SVIL: variants seen among roughly 807,000 people sequenced by gnomAD.
SVIL encodes archvillin.
Under a neutral mutation model 240.4 loss-of-function variants are expected in SVIL, and 101 were observed. That is an observed-to-expected ratio of 0.42 (90% CI 0.36 to 0.50). SVIL has a LOEUF of 0.50. SVIL is among the 20% of genes least tolerant of loss of function. The pLI, the probability that SVIL is intolerant of heterozygous loss-of-function variation, is 0.01. For synonymous variants in SVIL, 999 were observed against 1,100.0 expected (o/e 0.91, Z 1.82); for missense variants, 2,512 against 2,818.7 (o/e 0.89, Z 2.46).
chr10:29,591,887 T>A (rs1956404101), intron 1 of SVIL, among the ~76,000 whole-genome samples: 1 of 152,240 alleles, frequency 6.6e-6, no homozygotes, highest in African/African-American at 2.4e-5. Context: ...GCAAAGAGCC[T>A]GCCAGGCATT....
chr10:29,594,935 C>T (rs1197818517), intron 1 of SVIL, among the ~76,000 whole-genome samples: 1 of 152,224 alleles, frequency 6.6e-6, no homozygotes, highest in Non-Finnish European at 1.5e-5. Flanking sequence ...GTTCCCCAGC[C>T]CCTGCTGTGT....
chr10:29,733,017 G>A (rs1292118530), intron 1 of SVIL, among the ~76,000 whole-genome samples: 3 of 152,254 alleles, frequency 2.0e-5, no homozygotes, highest in Non-Finnish European at 4.4e-5. Flanking sequence ...CTCCTTGGGC[G>A]ACTGGACCAA....
intron 2 of SVIL, among the ~76,000 whole-genome samples, chr10:29,567,685 T>C (rs1429065204): frequency 6.6e-6 from 1 of 152,094 alleles, no homozygotes; most frequent in Non-Finnish European, 1.5e-5. Context: ...ACTTATTAGC[T>C]CCATGACAGT....
chr10:29,613,094 T>C (rs1300889416), intron 1 of SVIL, among the ~76,000 whole-genome samples: 1 of 150,280 alleles, frequency 6.7e-6, no homozygotes, highest in Admixed American at 6.7e-5. Flanking sequence ...GGGAATTGCT[T>C]GAACCCAGGA....
chr10:29,532,140 G>A lies in SVIL; in HGVS notation c.1871C>T (p.Pro624Leu), dbSNP rs1360774157. The A allele has an allele frequency of 6.2e-7, 1 of 1,613,874 alleles. No individual in the cohort carries two copies. Among genetic ancestry groups the A allele is most frequent in the Non-Finnish European group, 8.5e-7 (1 of 1,179,884 alleles). Residue 624 changes from proline (P) to leucine (L), a missense_variant, in exon 9 of 38, where the codon CCT (proline) becomes CTT (leucine). This residue lies in a region of SVIL where 1,443 missense variants were observed against 1,486.6 expected (regional missense o/e 0.97). Coordinates refer to ENST00000355867, the MANE Select transcript of SVIL (RefSeq NM_021738.3). ...KSRVERSAEG[P>L]GLPTGVERER... ...CCGTTCCACACCGGTGGGCAAGCCAGGTCCTTCAGCCGACCTCTCCACCCG... is the reference window on the plus strand; with the variant it reads ...CCGTTCCACACCGGTGGGCAAGCCAAGTCCTTCAGCCGACCTCTCCACCCG...
At chr10:29,613,230 C>T (rs1957313978) in intron 1 of SVIL, among the ~76,000 whole-genome samples, 2 of 150,756 alleles carry the variant, frequency 1.3e-5, no homozygotes, top group African/African-American at 4.9e-5. Flanking sequence ...GAGTGATGCT[C>T]TGGTGCAGTG....
intron 1 of SVIL, among the ~76,000 whole-genome samples, chr10:29,701,156 C>A (rs964882952): frequency 6.6e-6 from 1 of 152,186 alleles, no homozygotes; most frequent in African/African-American, 2.4e-5. Context: ...CCACCCACCC[C>A]TCACTGCAAA....
rs1350513965 is a variant in SVIL, at chr10:29,470,475, G to A, written c.5644C>T (p.Arg1882Trp). The A allele has an allele frequency of 3.7e-6, 6 of 1,614,060 alleles. No homozygotes were observed. The highest frequency in any genetic ancestry group is 3.3e-5 in the South Asian group (3 of 91,084). ...EEEENVQSEWRLYCVRGEVPV... is the reference protein window; with the variant it reads ...EEEENVQSEWWLYCVRGEVPV... ...ACCTCTCCACGCACGCAGTACAGCCGCCACTCACCTGCAGGGGGCACCGGC... is the reference window on the plus strand; with the variant it reads ...ACCTCTCCACGCACGCAGTACAGCCACCACTCACCTGCAGGGGGCACCGGC... The change falls in exon 32 of 38, where the codon CGG (arginine) becomes TGG (tryptophan). Residue 1882 changes from arginine to tryptophan, a missense_variant. Around this residue, in one of 3 missense-constraint regions of SVIL, gnomAD observed 797 missense variants for 925.3 expected, o/e 0.86. Transcript: ENST00000355867.
At chr10:29,576,683 T>A (rs1304377672) in intron 1 of SVIL, among the ~76,000 whole-genome samples, 1 of 152,194 alleles carries the variant, frequency 6.6e-6, no homozygotes, top group African/African-American at 2.4e-5. Context: ...TCTCCAGAAC[T>A]ACAGGCATGT....
intron 36 of SVIL, among the ~76,000 whole-genome samples, chr10:29,460,302 G>A (rs1018502730): frequency 2.6e-5 from 4 of 152,178 alleles, no homozygotes; most frequent in African/African-American, 7.2e-5. Context: ...GCCTAGTGCA[G>A]AGTGGGCACT....
At chr10:29,602,298 T>C (rs1383801272) in intron 1 of SVIL, 1 of 533,948 alleles carries the variant, frequency 1.9e-6, no homozygotes, top group East Asian at 5.5e-5. Flanking sequence ...TGTACCACGG[T>C]TCATGAAGGT....
At position 29,504,055 on chromosome 10, in the gene SVIL, C is replaced by T. The variant is rs143396394; in HGVS notation, c.3517-4792G>A. On this transcript the variant is annotated intron_variant, in intron 17 of 37. Transcript: ENST00000355867. Reference sequence around the variant, plus strand: ...AATAGATTCATATAAATTTAGTCAACGGATCTTTGAGAAAGGAGCAAAAAC... The same window carrying T: ...AATAGATTCATATAAATTTAGTCAATGGATCTTTGAGAAAGGAGCAAAAAC... Among the ~76,000 whole-genome samples the T allele has an allele frequency of 3.1e-3, 470 of 152,144 alleles. 7 individuals are homozygous for T. The South Asian group carries it at 0.046, about 15-fold the overall frequency.
intron 22 of SVIL, 24 bp from the exon 23 acceptor site, chr10:29,488,780 A>G: frequency 6.2e-7 from 1 of 1,604,106 alleles, no homozygotes; most frequent in Non-Finnish European, 8.5e-7. Context: ...ATAAGGAAAC[A>G]CAACGCAGGA....
At position 29,522,523 on chromosome 10, in the gene SVIL, T is replaced by C. The variant is rs1950626321; in HGVS notation, c.3276A>G (p.Pro1092=). The change falls in exon 16 of 38, where the codon CCA becomes CCG. Residue 1092 remains proline (P), a synonymous_variant. Transcript: ENST00000355867. ...SWKPQDSSEQ[P]QEKLCKNPCA... is the part of the protein sequence containing the mutation. ...ATGGATTCTTGCAGAGCTTCTCCTG[T>C]GGCTGTTCCGAAGAATCCTGGGGCT... 8 of 1,614,232 alleles carry C rather than the reference T, an allele frequency of 5.0e-6. No homozygotes were observed. The highest frequency in any genetic ancestry group is 6.8e-6 in the Non-Finnish European group (8 of 1,180,040).
chr10:29,467,693 C>T (rs1186515896), intron 33 of SVIL, 49 bp downstream of exon 33: 4 of 1,610,004 alleles, frequency 2.5e-6, no homozygotes, highest in Non-Finnish European at 3.4e-6. Flanking sequence ...ACTCTTGTTT[C>T]CAAAAACAAA....
At chr10:29,471,266 A>C in intron 30 of SVIL, 23 bp from the exon 31 acceptor site, 2 of 1,590,130 alleles carry the variant, frequency 1.3e-6, no homozygotes, top group Middle Eastern at 3.3e-4. Flanking sequence ...ACAGAGGTAA[A>C]TAGGTAAGGG....
At chr10:29,721,490 C>A (rs1466740596) in intron 1 of SVIL, among the ~76,000 whole-genome samples, 1 of 148,166 alleles carries the variant, frequency 6.7e-6, no homozygotes, top group African/African-American at 2.5e-5. Context: ...AATAAAGCCA[C>A]AAAAGGGTTA....
intron 1 of SVIL, among the ~76,000 whole-genome samples, chr10:29,618,421 G>C (rs1243015552): frequency 6.6e-6 from 1 of 152,164 alleles, no homozygotes; most frequent in East Asian, 1.9e-4. Context: ...AGCCTCTGGG[G>C]CTTCAGGTAG....
intron 36 of SVIL, among the ~76,000 whole-genome samples, chr10:29,459,526 A>AC (rs765371331): frequency 1.3e-5 from 2 of 151,598 alleles, no homozygotes; most frequent in Non-Finnish European, 2.9e-5. Context: ...AAGAAATCAC[A>AC]CCCCCCTTCC....
Sources: gnomAD v4.1 joint callset for allele counts (sites outside exome capture counted in the v4.1 genomes callset) on GRCh38, gnomAD v4.1.1 for gene constraint, gnomAD v4.1.1 regional missense constraint, MANE v1.5 for transcripts, NCBI Gene and HGNC (gene_info 2026-07-23, HGNC 2026-07-21) for gene names.